WDPCP: variants seen among roughly 807,000 people sequenced by gnomAD.
WDPCP encodes the protein WD repeat containing planar cell polarity effector, also known as WD repeat-containing and planar cell polarity effector protein fritz homolog.
A neutral mutation model predicts 93.1 loss-of-function variants in WDPCP; 71 were observed. The ratio of observed to expected loss-of-function variants is 0.76; its 90% CI spans 0.63 to 0.93. The LOEUF is 0.93. Among genes scored for constraint, WDPCP ranks in the 40% least tolerant of loss-of-function variants. The pLI, the probability that WDPCP is intolerant of heterozygous loss-of-function variation, is 0.00. For synonymous variants in WDPCP, 315 were observed against 315.0 expected, an observed-to-expected ratio of 1.00 and a Z score of 0.00; for missense variants, 844 against 887.4, an observed-to-expected ratio of 0.95 and a Z score of 0.62.
intron 1 of WDPCP, among the ~76,000 whole-genome samples, chr2:63,532,644 C>T (rs957924295): frequency 6.6e-6 from 1 of 152,186 alleles, no homozygotes; most frequent in Non-Finnish European, 1.5e-5. Flanking sequence ...AAAGCCTTTA[C>T]AGACAAGCAA....
At chr2:63,695,725 G>A (rs1248426847) in intron 2 of WDPCP, among the ~76,000 whole-genome samples, 3 of 152,042 alleles carry the variant, frequency 2.0e-5, no homozygotes, top group Non-Finnish European at 2.9e-5. Flanking sequence ...CATGTAACCA[G>A]CACCCAGGTC....
At chr2:63,517,678 C>A (rs558248010) in intron 1 of WDPCP, among the ~76,000 whole-genome samples, 1 of 152,234 alleles carries the variant, frequency 6.6e-6, no homozygotes, top group Middle Eastern at 3.4e-3. Context: ...TCCTTTATTT[C>A]TTAATTTCTA....
intron 2 of WDPCP, among the ~76,000 whole-genome samples, chr2:63,758,903 G>A (rs1307647929): frequency 1.3e-5 from 2 of 151,946 alleles, no homozygotes; most frequent in South Asian, 2.1e-4. Flanking sequence ...TCAGCCTCCC[G>A]AGTAGTTGGG....
At chr2:63,798,413 A>G (rs1215098746) in intron 2 of WDPCP, among the ~76,000 whole-genome samples, 1 of 152,216 alleles carries the variant, frequency 6.6e-6, no homozygotes, top group Non-Finnish European at 1.5e-5. Flanking sequence ...AATGTTAAAA[A>G]GCAGGGGGAA....
chr2:63,309,120 G>A (rs535771467), intron 13 of WDPCP, among the ~76,000 whole-genome samples: 3 of 152,058 alleles, frequency 2.0e-5, no homozygotes, highest in African/African-American at 7.2e-5. Context: ...GTTGGTAGAG[G>A]AGTAAGGGTT....
intron 1 of WDPCP, among the ~76,000 whole-genome samples, chr2:63,566,235 A>T (rs1026363557): frequency 1.3e-5 from 2 of 152,256 alleles, no homozygotes; most frequent in Non-Finnish European, 2.9e-5. Context: ...CCTGCCTCTC[A>T]TTCAATTCAA....
intron 2 of WDPCP, among the ~76,000 whole-genome samples, chr2:63,678,585 T>C (rs1436326302): frequency 1.3e-5 from 2 of 152,200 alleles, no homozygotes; most frequent in Non-Finnish European, 2.9e-5. Flanking sequence ...GTGCACCTTT[T>C]TGTACTGCAG....
At chr2:63,126,848 T>C (rs1025485708) in intron 17 of WDPCP, among the ~76,000 whole-genome samples, 7 of 151,722 alleles carry the variant, frequency 4.6e-5, no homozygotes, top group Admixed American at 2.0e-4. Flanking sequence ...GATAATTTTT[T>C]TAAACTTTTA....
chr2:63,148,150 G>A (rs1671651435), intron 17 of WDPCP, among the ~76,000 whole-genome samples: 1 of 151,984 alleles, frequency 6.6e-6, no homozygotes, highest in African/African-American at 2.4e-5. Flanking sequence ...ATGAAGCCTG[G>A]ACTGGAGATA....
rs560759011 is a variant in WDPCP, at chr2:63,698,466, C to G, written n.309-47628G>C. On this transcript the variant is annotated intron_variant and non_coding_transcript_variant, in intron 2 of 4. Coordinates refer to the WDPCP transcript ENST00000467687. ...TGCCTGGGAGGCAAGCTATGTTGAG[C>G]ACCAAGCAGATGTTAGAATGTTGAA... Among the ~76,000 whole-genome samples the G allele has an allele frequency of 3.3e-5, 5 of 152,204 alleles. No homozygotes were observed. The South Asian group carries it at 1.0e-3, about 32-fold the overall frequency.
intron 14 of WDPCP, among the ~76,000 whole-genome samples, chr2:63,211,747 G>T (rs540441783): frequency 1.3e-5 from 2 of 152,126 alleles, no homozygotes; most frequent in Admixed American, 1.3e-4. Flanking sequence ...TGGCTAACTA[G>T]AATCAACAGT....
intron 12 of WDPCP, among the ~76,000 whole-genome samples, chr2:63,327,779 T>C (rs1035689361): frequency 6.6e-6 from 1 of 152,194 alleles, no homozygotes; most frequent in African/African-American, 2.4e-5. Context: ...GGGCCCTGTA[T>C]TTTTAACCTC....
chr2:63,120,950 T>G lies in WDPCP; in HGVS notation c.*1056A>C, dbSNP rs1669516218. On this transcript the variant is annotated 3_prime_UTR_variant, in exon 18 of 18. Transcript: ENST00000272321. ...GCTAACAAGTTACCACACTATAGTT[T>G]CATGGATGCTGTTAGAAGACATGAG... Among the ~76,000 whole-genome samples the G allele has an allele frequency of 6.6e-6, 1 of 152,180 alleles. No individual in the cohort carries two copies. Among genetic ancestry groups the G allele is most frequent in the Admixed American group, 6.5e-5 (1 of 15,278 alleles).
At chr2:63,773,250 A>C (rs2103951980) in intron 2 of WDPCP, among the ~76,000 whole-genome samples, 1 of 152,222 alleles carries the variant, frequency 6.6e-6, no homozygotes, top group South Asian at 2.1e-4. Context: ...GGTATACTAT[A>C]TAGCAACAAA....
Position 63,584,219 on chromosome 2 carries a change from T to G in WDPCP, c.75+3978A>C, listed in dbSNP as rs567564285. 2.6e-5 allele frequency among the ~76,000 whole-genome samples: 4 copies of G among 152,118 alleles called. No homozygotes were observed. The South Asian group carries it at 8.3e-4, about 32-fold the overall frequency. The stretch of plus-strand genomic sequence containing the variant: ...CACAGCTTAAAAAGAAGTAGATCAC[T>G]AATATTTTGAAGACCCCAGTACCCC... On this transcript the variant is annotated intron_variant, in intron 1 of 17. Coordinates refer to ENST00000272321, the MANE Select transcript of WDPCP (RefSeq NM_015910.7).
chr2:63,561,013 A>G (rs1706572276), intron 1 of WDPCP, among the ~76,000 whole-genome samples: 2 of 152,256 alleles, frequency 1.3e-5, no homozygotes, highest in South Asian at 4.1e-4. Context: ...CTGGCTAGCC[A>G]TATGCAGAAA....
At chr2:63,569,237 A>G (rs961471572) in intron 1 of WDPCP, among the ~76,000 whole-genome samples, 1 of 152,212 alleles carries the variant, frequency 6.6e-6, no homozygotes, top group African/African-American at 2.4e-5. Flanking sequence ...TTAGAATACA[A>G]ATGAAAAGTC....
At chr2:63,473,561 T>C (rs1347707861) in intron 6 of WDPCP, among the ~76,000 whole-genome samples, 5 of 152,220 alleles carry the variant, frequency 3.3e-5, no homozygotes, top group African/African-American at 4.8e-5. Context: ...TTATTCCCCA[T>C]TGGTATCTTT....
At chr2:63,521,996 C>T (rs1014030152) in intron 1 of WDPCP, among the ~76,000 whole-genome samples, 3 of 152,010 alleles carry the variant, frequency 2.0e-5, no homozygotes, top group African/African-American at 7.2e-5. Flanking sequence ...AACAAAGATA[C>T]AACATACCAA....
Sources: allele counts gnomAD v4.1 joint callset (sites outside exome capture counted in the v4.1 genomes callset), GRCh38; gene constraint gnomAD v4.1.1; transcripts MANE v1.5; gene names NCBI Gene and HGNC (gene_info 2026-07-23, HGNC 2026-07-21).